The following WDR48 variants were observed in gnomAD, a reference collection of about 807,000 sequenced individuals.
WDR48 encodes the protein WD repeat-containing protein 48.
Under a neutral mutation model 94.0 loss-of-function variants are expected in WDR48, and 22 were observed. That is an observed-to-expected ratio of 0.23 (90% confidence interval 0.17 to 0.33). The LOEUF (loss-of-function observed/expected upper bound fraction) is 0.33, where lower values mean the gene tolerates loss of function less well. Among genes scored for constraint, WDR48 ranks in the 10% least tolerant of loss-of-function variants. WDR48 has a pLI of 1.00. For synonymous variants in WDR48, 278 were observed against 280.5 expected (o/e 0.99, Z 0.09); for missense variants, 541 against 813.8 (o/e 0.66, Z 4.08).
intron 2 of WDR48, among the ~76,000 whole-genome samples, chr3:39,064,704 G>A (rs1057474592): frequency 6.6e-6 from 1 of 152,152 alleles, no homozygotes; most frequent in African/African-American, 2.4e-5. Context: ...TTAAAAGTTT[G>A]TGTCTTTTTA....
At chr3:39,056,632 A>G (rs1383675087) in intron 1 of WDR48, among the ~76,000 whole-genome samples, 3 of 152,258 alleles carry the variant, frequency 2.0e-5, no homozygotes, top group African/African-American at 7.2e-5. Flanking sequence ...AATCAGTGGC[A>G]ACATTGGATG....
At chr3:39,089,207 T>G in intron 15 of WDR48, 24 bp from the exon 16 acceptor site, 1 of 1,604,972 alleles carries the variant, frequency 6.2e-7, no homozygotes, top group Non-Finnish European at 8.5e-7. Flanking sequence ...TTGGGTTACT[T>G]ACTACTTGAT....
chr3:39,088,595 T>G (rs1049683416), intron 15 of WDR48, among the ~76,000 whole-genome samples: 1 of 152,102 alleles, frequency 6.6e-6, no homozygotes, highest in African/African-American at 2.4e-5. Context: ...TCAGAGTACA[T>G]TACATTACTT....
At chr3:39,093,217 G>T (rs1036369026) in intron 17 of WDR48, among the ~76,000 whole-genome samples, 1 of 152,176 alleles carries the variant, frequency 6.6e-6, no homozygotes, top group Non-Finnish European at 1.5e-5. Context: ...GGGGAGGAGA[G>T]CCCAGGGAAA....
At chr3:39,068,937 ATTT>A (rs1559606725) in intron 6 of WDR48, 78 bp downstream of exon 6, 1 of 1,109,898 alleles carries the variant, frequency 9.0e-7, no homozygotes, top group Non-Finnish European at 1.3e-6. Context: ...TTAAGCAGGT[ATTT>A]TACGATTAGC....
intron 11 of WDR48, among the ~76,000 whole-genome samples, chr3:39,080,439 A>G (rs1341864325): frequency 6.6e-6 from 1 of 152,220 alleles, no homozygotes; most frequent in Non-Finnish European, 1.5e-5. Context: ...CACATTCCAA[A>G]TAGCAGTGAA....
chr3:39,095,810 T>C lies in WDR48; in HGVS notation c.*1067T>C, dbSNP rs2035307369. 6.5e-6 allele frequency: 1 copy of C among 152,684 alleles called. No homozygotes were observed. Among genetic ancestry groups the C allele is most frequent in the African/African-American group, 2.4e-5 (1 of 41,474 alleles). The allele number at this position is 152,684 out of a possible 1,614,324, so 9.5% of individuals were successfully genotyped here. On this transcript the variant is annotated 3_prime_UTR_variant, in exon 19 of 19. Transcript: ENST00000302313. ...TTCATAGAATCATTTGGATCTTGTA[T>C]AGAGTGTAACTTATTGGGGATAAAC...
chr3:39,085,852 C>T (rs372285924), intron 14 of WDR48, among the ~76,000 whole-genome samples: 1 of 100,544 alleles, frequency 9.9e-6, no homozygotes, highest in Non-Finnish European at 1.7e-5. Flanking sequence ...AAATAAAATA[C>T]TCTATATTCA....
intron 11 of WDR48, among the ~76,000 whole-genome samples, chr3:39,081,107 A>T (rs566659717): frequency 1.5e-3 from 228 of 152,326 alleles, no homozygotes; most frequent in African/African-American, 5.1e-3. Context: ...TCATGATTGG[A>T]GATCTAAAGG....
intron 18 of WDR48, 152 bp from the exon 19 acceptor site, chr3:39,094,496 C>T (rs370572752): frequency 1.2e-5 from 19 of 1,535,802 alleles, no homozygotes; most frequent in East Asian, 4.9e-5. Context: ...ATTTCATTCC[C>T]GCATGCATGG....
chr3:39,055,936 C>G (rs571123271), intron 1 of WDR48, among the ~76,000 whole-genome samples: 2 of 152,232 alleles, frequency 1.3e-5, no homozygotes, highest in Non-Finnish European at 2.9e-5. Context: ...ACTACCGTAT[C>G]CTCAGCATTT....
chr3:39,057,899 A>G (rs1018565313), intron 1 of WDR48, among the ~76,000 whole-genome samples: 22 of 152,230 alleles, frequency 1.4e-4, no homozygotes, highest in South Asian at 2.1e-4. Flanking sequence ...GATTACAGGC[A>G]TGAGCCACTG....
chr3:39,083,570 G>A (rs2034641070), intron 11 of WDR48, among the ~76,000 whole-genome samples: 1 of 152,138 alleles, frequency 6.6e-6, no homozygotes. Flanking sequence ...AGGAATCAGA[G>A]TCATGTGCTG....
intron 2 of WDR48, among the ~76,000 whole-genome samples, chr3:39,065,062 C>T (rs1162522353): frequency 2.0e-5 from 3 of 152,174 alleles, no homozygotes; most frequent in Non-Finnish European, 4.4e-5. Flanking sequence ...ATTTGTCAAA[C>T]AGACTTGTAC....
chr3:39,063,015 A>G, intron 1 of WDR48, 35 bp from the exon 2 acceptor site: 2 of 1,612,162 alleles, frequency 1.2e-6, no homozygotes, highest in Non-Finnish European at 1.7e-6. Context: ...CATGGCTTGT[A>G]CTTTATAAAA....
intron 12 of WDR48, 110 bp downstream of exon 12, chr3:39,084,372 A>T (rs193190246): frequency 0.017 from 12,863 of 758,674 alleles, 214 homozygotes; most frequent in Non-Finnish European, 0.019. Flanking sequence ...GAAAAAAAAA[A>T]TTTGTGTTAA....
At chr3:39,071,504 G>A (rs117885211) in intron 7 of WDR48, among the ~76,000 whole-genome samples, 3,750 of 152,256 alleles carry the variant, frequency 0.025, 76 homozygotes, top group South Asian at 0.061. Context: ...ACCTTCTAAA[G>A]CTCTACCTGT....
chr3:39,086,840 C>T (rs1243467788), intron 14 of WDR48, among the ~76,000 whole-genome samples: 2 of 152,156 alleles, frequency 1.3e-5, no homozygotes, highest in Admixed American at 1.3e-4. Flanking sequence ...CCAGAAATCA[C>T]GTCATCCTTA....
chr3:39,055,137 G>T (rs1210613282), intron 1 of WDR48, among the ~76,000 whole-genome samples: 2 of 152,174 alleles, frequency 1.3e-5, no homozygotes, highest in African/African-American at 4.8e-5. Context: ...GTAGCCCTGA[G>T]CTCCTTGTCA....
Sources: gnomAD v4.1 joint callset for allele counts (sites outside exome capture counted in the v4.1 genomes callset) on GRCh38, gnomAD v4.1.1 for gene constraint, MANE v1.5 for transcripts, NCBI Gene and HGNC (gene_info 2026-07-23, HGNC 2026-07-21) for gene names.